RBMS3: variants seen among roughly 807,000 people sequenced by gnomAD.
RBMS3 encodes RNA binding motif single stranded interacting protein 3.
Under a neutral mutation model 66.8 loss-of-function variants are expected in RBMS3, and 27 were observed. That is an observed-to-expected ratio of 0.40 (90% confidence interval 0.30 to 0.56). The LOEUF is 0.56. RBMS3 is among the 20% of genes least tolerant of loss of function. The probability of loss-of-function intolerance (pLI) is 0.40; values close to 1 mark genes in which losing one functional copy is unlikely to be tolerated. For synonymous variants in RBMS3, 188 were observed against 183.0 expected (o/e 1.03, Z -0.22); for missense variants, 513 against 549.5 (o/e 0.93, Z 0.66).
rs145506123 is a variant in RBMS3, at chr3:29,337,760, C to T, written c.75+56004C>T. Among the ~76,000 whole-genome samples, 337 of 152,246 alleles carry T rather than the reference C, an allele frequency of 2.2e-3. 2 individuals carry two copies. Among genetic ancestry groups the T allele is most frequent in the Non-Finnish European group, 3.7e-3 (255 of 68,028 alleles). On this transcript the variant is annotated intron_variant, in intron 1 of 14. Coordinates refer to ENST00000383767, the MANE Select transcript of RBMS3 (RefSeq NM_001003793.3). ...AAGACTAATGTAATAATACAACCATCTGATAAAGCACAAATAAAAAACAAC... is the reference window on the plus strand; with the variant it reads ...AAGACTAATGTAATAATACAACCATTTGATAAAGCACAAATAAAAAACAAC...
chr3:29,849,157 C>A (rs1334588818), intron 6 of RBMS3, among the ~76,000 whole-genome samples: 1 of 147,882 alleles, frequency 6.8e-6, no homozygotes, highest in Non-Finnish European at 1.5e-5. Context: ...ACTCCTCCCC[C>A]TCCACCAAAG....
chr3:29,884,469 T>TCTCTCC (rs1553692501), intron 8 of RBMS3, among the ~76,000 whole-genome samples: 21 of 66,338 alleles, frequency 3.2e-4, no homozygotes, highest in African/African-American at 8.4e-4. Context: ...TCTCTCTCTC[T>TCTCTCC]CCCCCCCCGC....
chr3:29,345,755 G>A (rs1227516715), intron 1 of RBMS3, among the ~76,000 whole-genome samples: 6 of 152,138 alleles, frequency 3.9e-5, no homozygotes, highest in Admixed American at 3.9e-4. Flanking sequence ...GCCAGAGGAG[G>A]CCATTAAGGA....
intron 2 of RBMS3, among the ~76,000 whole-genome samples, chr3:29,456,407 C>A (rs1383498472): frequency 6.6e-6 from 1 of 152,156 alleles, no homozygotes; most frequent in Non-Finnish European, 1.5e-5. Context: ...GCACAAATAT[C>A]TGCACAATGG....
chr3:29,976,414 C>A (rs529808283), intron 12 of RBMS3, among the ~76,000 whole-genome samples: 1 of 152,124 alleles, frequency 6.6e-6, no homozygotes, highest in East Asian at 1.9e-4. Context: ...TATATTAGTA[C>A]CTTAAGCAAA....
chr3:29,735,762 A>C (rs571999143), intron 4 of RBMS3, among the ~76,000 whole-genome samples: 1 of 152,206 alleles, frequency 6.6e-6, no homozygotes, highest in South Asian at 2.1e-4. Flanking sequence ...GAATAAAGTC[A>C]GTGTTGTAAA....
intron 3 of RBMS3, among the ~76,000 whole-genome samples, chr3:29,527,764 G>C (rs1488678587): frequency 1.3e-5 from 2 of 151,766 alleles, no homozygotes; most frequent in African/African-American, 4.8e-5. Context: ...ATTTACATTA[G>C]GTATATCTCA....
At chr3:29,647,175 C>A (rs1353144111) in intron 4 of RBMS3, among the ~76,000 whole-genome samples, 4 of 152,154 alleles carry the variant, frequency 2.6e-5, no homozygotes, top group African/African-American at 9.7e-5. Flanking sequence ...GATGGGGTTT[C>A]ACCAAGTTGG....
At chr3:29,332,293 A>G (rs894291181) in intron 1 of RBMS3, among the ~76,000 whole-genome samples, 7 of 146,316 alleles carry the variant, frequency 4.8e-5, no homozygotes, top group African/African-American at 1.9e-4. Context: ...GAGACAAAAC[A>G]ACAAGAAACA....
At chr3:29,956,826 C>T (rs565580622) in intron 12 of RBMS3, among the ~76,000 whole-genome samples, 1 of 152,186 alleles carries the variant, frequency 6.6e-6, no homozygotes, top group Non-Finnish European at 1.5e-5. Flanking sequence ...AATCCTTTTG[C>T]AGCTTTCAGG....
At chr3:29,405,075 T>C (rs1320556834) in intron 1 of RBMS3, among the ~76,000 whole-genome samples, 1 of 152,124 alleles carries the variant, frequency 6.6e-6, no homozygotes, top group African/African-American at 2.4e-5. Context: ...TGCCTAGGGT[T>C]TATGTTTTAG....
chr3:29,512,171 G>A (rs1053000083), intron 3 of RBMS3, among the ~76,000 whole-genome samples: 16 of 151,914 alleles, frequency 1.1e-4, no homozygotes, highest in Non-Finnish European at 2.2e-4. Context: ...TGAAAAGGTG[G>A]TCTTCCTTAT....
intron 4 of RBMS3, chr3:29,616,765 AAAAT>A (rs1332121712): frequency 6.6e-6 from 1 of 152,210 alleles, no homozygotes; most frequent in Non-Finnish European, 1.5e-5. Context: ...CATTCCTGGG[AAAAT>A]AAATAGAATA....
intron 1 of RBMS3, among the ~76,000 whole-genome samples, chr3:29,334,453 GTC>G (rs1336769793): frequency 4.6e-5 from 7 of 152,112 alleles, no homozygotes; most frequent in African/African-American, 1.4e-4. Flanking sequence ...ATACTCTCGT[GTC>G]TCTATATTTT....
chr3:29,733,288 T>C (rs1421608127), intron 4 of RBMS3, among the ~76,000 whole-genome samples: 5 of 152,014 alleles, frequency 3.3e-5, no homozygotes, highest in African/African-American at 1.2e-4. Context: ...TTCTATAAAT[T>C]CGTTATACAC....
At chr3:29,480,366 C>G (rs1438816948) in intron 2 of RBMS3, among the ~76,000 whole-genome samples, 1 of 151,978 alleles carries the variant, frequency 6.6e-6, no homozygotes, top group Non-Finnish European at 1.5e-5. Flanking sequence ...TATTGTAGCA[C>G]CAAAACTCAA....
chr3:29,977,808 G>A lies in RBMS3; in HGVS notation c.1099-10335G>A, dbSNP rs190276795. Among the ~76,000 whole-genome samples, 9 of 151,856 alleles carry A rather than the reference G, an allele frequency of 5.9e-5. No individual in the cohort carries two copies. The South Asian group carries it at 6.2e-4, about 11-fold the overall frequency. ...TTAATATATGTCATCTCATTGTGCCGTGGTCCCCATTAACCCCTATATCTG... is the reference window on the plus strand; with the variant it reads ...TTAATATATGTCATCTCATTGTGCCATGGTCCCCATTAACCCCTATATCTG... On this transcript the variant is annotated intron_variant, in intron 12 of 14. Transcript: ENST00000383767.
intron 4 of RBMS3, among the ~76,000 whole-genome samples, chr3:29,736,000 C>T (rs1336937109): frequency 2.0e-5 from 3 of 151,930 alleles, no homozygotes; most frequent in South Asian, 2.1e-4. Context: ...AAAACTTTTC[C>T]GGAAAATTAA....
chr3:29,934,386 A>G (rs2061212412), intron 10 of RBMS3, among the ~76,000 whole-genome samples: 1 of 152,062 alleles, frequency 6.6e-6, no homozygotes, highest in Non-Finnish European at 1.5e-5. Flanking sequence ...ATTTAAGAAG[A>G]ACCCTTGTTC....
Sources: gnomAD v4.1 joint callset for allele counts (sites outside exome capture counted in the v4.1 genomes callset) on GRCh38, gnomAD v4.1.1 for gene constraint, MANE v1.5 for transcripts, NCBI Gene and HGNC (gene_info 2026-07-23, HGNC 2026-07-21) for gene names.